The following CADPS variants were observed in gnomAD, a reference collection of about 807,000 sequenced individuals.
The protein encoded by CADPS is calcium-dependent secretion activator 1.
CADPS carries 57 observed loss-of-function variants against 167.3 expected under a neutral mutation model. The ratio of observed to expected loss-of-function variants is 0.34; its 90% CI spans 0.28 to 0.42. The LOEUF is 0.42. Among genes scored for constraint, CADPS ranks in the 20% least tolerant of loss-of-function variants. The pLI is 1.00. For missense variants in CADPS, 1,414 were observed against 1,738.1 expected (o/e 0.81, Z 3.32); for synonymous variants, 676 against 635.3 (o/e 1.06, Z -0.96).
chr3:62,679,390 G>C (rs2076798307), intron 3 of CADPS, among the ~76,000 whole-genome samples: 1 of 151,894 alleles, frequency 6.6e-6, no homozygotes, highest in African/African-American at 2.4e-5. Flanking sequence ...TGCTGGTCCA[G>C]ATGCTGGTCC....
At chr3:62,857,422 A>G (rs566180157) in intron 1 of CADPS, among the ~76,000 whole-genome samples, 1 of 152,166 alleles carries the variant, frequency 6.6e-6, no homozygotes, top group East Asian at 1.9e-4. Flanking sequence ...GTAGAAAGGT[A>G]AGTACACAAA....
intron 3 of CADPS, among the ~76,000 whole-genome samples, chr3:62,722,597 A>G (rs898812267): frequency 8.5e-5 from 13 of 152,240 alleles, no homozygotes; most frequent in African/African-American, 2.2e-4. Flanking sequence ...ATCAACTTCT[A>G]TCTTTGCTCC....
At position 62,514,419 on chromosome 3, in the gene CADPS, G is replaced by A. The variant is rs114545273; in HGVS notation, c.2581+1640C>T. On this transcript the variant is annotated intron_variant, in intron 16 of 29. Transcript: ENST00000383710. This position sits in a 1 kb window ranked among gnomAD's most constrained non-coding sequence, Gnocchi z 4.2. The stretch of plus-strand genomic sequence containing the variant: ...TCACGGACAAGGAAGGAGAGAAGCG[G>A]AAGAGAGCAGGTAGTGTGGAATGAG... Among the ~76,000 whole-genome samples, 1,690 of 152,150 alleles carry A rather than the reference G, an allele frequency of 0.011. 16 individuals are homozygous for A. The highest frequency in any genetic ancestry group is 0.017 in the Non-Finnish European group (1,123 of 67,962).
chr3:62,437,421 C>T (rs2055346321), intron 28 of CADPS, among the ~76,000 whole-genome samples: 3 of 147,364 alleles, frequency 2.0e-5, no homozygotes. Flanking sequence ...TAAGATTGCT[C>T]AAAAATGATT....
At chr3:62,843,327 G>A (rs304183) in intron 1 of CADPS, among the ~76,000 whole-genome samples, 12 of 152,198 alleles carry the variant, frequency 7.9e-5, no homozygotes, top group African/African-American at 2.9e-4. Flanking sequence ...AAGTATTTCT[G>A]CATTATTAGT....
intron 3 of CADPS, among the ~76,000 whole-genome samples, chr3:62,696,667 G>A (rs1476069743): frequency 1.3e-5 from 2 of 151,984 alleles, no homozygotes; most frequent in African/African-American, 4.8e-5. Flanking sequence ...TTTTACCTTT[G>A]TAGTTACCCA....
chr3:62,845,528 G>A (rs1023148389), intron 1 of CADPS, among the ~76,000 whole-genome samples: 3 of 152,184 alleles, frequency 2.0e-5, no homozygotes, highest in African/African-American at 7.2e-5. Flanking sequence ...TTGGCCTAAA[G>A]TGCAGTTGTG....
intron 23 of CADPS, among the ~76,000 whole-genome samples, chr3:62,474,734 C>T (rs907113456): frequency 1.3e-5 from 2 of 152,186 alleles, no homozygotes; most frequent in African/African-American, 4.8e-5. Flanking sequence ...AGTTTTTAAT[C>T]TTCAAAACCT....
At chr3:62,530,688 C>T (rs761803737) in intron 13 of CADPS, 76 of 1,288,122 alleles carry the variant, frequency 5.9e-5, no homozygotes, top group Non-Finnish European at 7.2e-5. Flanking sequence ...GTTTTGGAAT[C>T]TTTTCTTTTT....
intron 11 of CADPS, among the ~76,000 whole-genome samples, chr3:62,539,875 T>C (rs1388669436): frequency 6.6e-6 from 1 of 152,144 alleles, no homozygotes; most frequent in Non-Finnish European, 1.5e-5. Context: ...AACACTAGAT[T>C]TGAGACTAGC....
chr3:62,846,821 G>A (rs977318393), intron 1 of CADPS, among the ~76,000 whole-genome samples: 3 of 151,794 alleles, frequency 2.0e-5, no homozygotes, highest in East Asian at 1.9e-4. Context: ...CTGCCACCAC[G>A]CCTCTACTAA....
In CADPS at chr3:62,875,149, C is replaced by CGA. The variant is rs1260390127; in HGVS notation, c.-122_-121dup. 2.4e-6 allele frequency: 3 copies of CGA among 1,248,074 alleles called. No homozygotes were observed. The African/African-American group carries it at 4.8e-5, about 20-fold the overall frequency. The allele number at this position is 1,248,074 out of a possible 1,614,324, so 77.3% of individuals were successfully genotyped here. ...GGGCGCTTCTCCCCAGGTCAGGGAG[C>CGA]GAGAGCGCTGCTGCTCAGCCTCGGC... On this transcript the variant is annotated 5_prime_UTR_variant, in exon 1 of 30. Transcript: ENST00000383710.
intron 3 of CADPS, among the ~76,000 whole-genome samples, chr3:62,728,716 A>C (rs183563863): frequency 6.6e-6 from 1 of 152,072 alleles, no homozygotes; most frequent in East Asian, 1.9e-4. Context: ...ATATTCTCAG[A>C]TAACCCCTTC....
chr3:62,516,005 C>T (rs2068886975), intron 16 of CADPS, 54 bp downstream of exon 16: 5 of 1,607,224 alleles, frequency 3.1e-6, no homozygotes, highest in African/African-American at 1.3e-5. Context: ...AAGACTTCCC[C>T]AGGGAGGCAT....
At chr3:62,694,657 G>A (rs1328054986) in intron 3 of CADPS, among the ~76,000 whole-genome samples, 1 of 152,068 alleles carries the variant, frequency 6.6e-6, no homozygotes, top group African/African-American at 2.4e-5. Context: ...CACTGACAAA[G>A]CATTTTGACA....
intron 8 of CADPS, among the ~76,000 whole-genome samples, chr3:62,576,357 TA>T (rs2082258272): frequency 6.6e-6 from 1 of 152,222 alleles, no homozygotes; most frequent in African/African-American, 2.4e-5. Context: ...AAGATGGGGA[TA>T]ACCTAACAGT....
intron 3 of CADPS, among the ~76,000 whole-genome samples, chr3:62,686,325 A>G (rs999592512): frequency 1.3e-5 from 2 of 152,010 alleles, no homozygotes; most frequent in Non-Finnish European, 2.9e-5. Context: ...CAATTTAAAA[A>G]CCCCATCTAT....
At chr3:62,659,923 C>T (rs748759385) in intron 4 of CADPS, among the ~76,000 whole-genome samples, 1 of 152,186 alleles carries the variant, frequency 6.6e-6, no homozygotes, top group Non-Finnish European at 1.5e-5. Context: ...AGGGACCCTC[C>T]ATATATACTG....
In CADPS at chr3:62,499,073, G is replaced by A. The variant is rs542905209; in HGVS notation, c.2706+89C>T. The A allele has an allele frequency of 1.7e-5, 12 of 718,622 alleles. No individual in the cohort carries two copies. In the East Asian group the frequency reaches 3.1e-4, roughly 18 times the overall value. The allele number at this position is 718,622 out of a possible 1,614,324, so 44.5% of individuals were successfully genotyped here. ...CCAGTTAAAAGAAAATGGGTGTTAA[G>A]GCATCTTATTCACAATCTGGCTGGG... On this transcript the variant is annotated intron_variant, in intron 18 of 29. Transcript: ENST00000383710.
Sources: allele counts gnomAD v4.1 joint callset (sites outside exome capture counted in the v4.1 genomes callset), GRCh38; gene constraint gnomAD v4.1.1; non-coding constraint Gnocchi (gnomAD v3.1); transcripts MANE v1.5; gene names NCBI Gene and HGNC (gene_info 2026-07-23, HGNC 2026-07-21).